OCA2: variants seen among roughly 807,000 people sequenced by gnomAD.
OCA2 encodes the protein OCA2 melanosomal transmembrane protein.
OCA2 carries 77 observed loss-of-function variants against 100.2 expected under a neutral mutation model. The observed-to-expected ratio is 0.77, with a 90% CI of 0.64 to 0.93. The LOEUF (loss-of-function observed/expected upper bound fraction) is 0.93. OCA2 is among the 40% of genes least tolerant of loss of function. OCA2 has a pLI of 0.00. For missense variants in OCA2, 1,062 were observed against 1,089.1 expected (o/e 0.98, Z 0.35); for synonymous variants, 432 against 439.2 (o/e 0.98, Z 0.21).
chr15:28,075,167 T>C (rs1369107406), intron 2 of OCA2, among the ~76,000 whole-genome samples: 2 of 152,040 alleles, frequency 1.3e-5, no homozygotes, highest in African/African-American at 4.8e-5. Flanking sequence ...AATTGATAAA[T>C]TGGACAACAT....
chr15:27,917,985 T>C (rs1361524730), intron 19 of OCA2, among the ~76,000 whole-genome samples: 1 of 152,168 alleles, frequency 6.6e-6, no homozygotes, highest in Non-Finnish European at 1.5e-5. Context: ...TATTTTAGAC[T>C]ACTTAAGTTG....
intron 9 of OCA2, among the ~76,000 whole-genome samples, chr15:28,010,992 A>G (rs1222644912): frequency 5.9e-5 from 9 of 152,236 alleles, no homozygotes; most frequent in Non-Finnish European, 1.3e-4. Flanking sequence ...CACATTACCA[A>G]TGGGACAGAA....
the OCA2 span, among the ~76,000 whole-genome samples, chr15:27,739,386 C>T: frequency 5.1e-4 from 77 of 151,102 alleles, no homozygotes; most frequent in African/African-American, 1.6e-3. Flanking sequence ...GCAGTGATGA[C>T]ATGACTGCCT....
At chr15:27,923,871 C>T (rs2038953111) in intron 19 of OCA2, among the ~76,000 whole-genome samples, 1 of 152,122 alleles carries the variant, frequency 6.6e-6, no homozygotes, top group Non-Finnish European at 1.5e-5. Context: ...TTAATAGATC[C>T]CATTTGTCAA....
At chr15:27,986,047 A>C (rs2041342821) in intron 12 of OCA2, among the ~76,000 whole-genome samples, 2 of 152,342 alleles carry the variant, frequency 1.3e-5, no homozygotes, top group African/African-American at 4.8e-5. Context: ...ATATTCAAGC[A>C]CAGCACTAGA....
intron 9 of OCA2, among the ~76,000 whole-genome samples, chr15:27,997,115 G>GAAAA (rs1566775947): frequency 9.7e-5 from 7 of 72,272 alleles, no homozygotes; most frequent in Non-Finnish European, 1.3e-4. Context: ...AGAAAAGAAA[G>GAAAA]GAAGGAAGGA....
chr15:27,862,582 C>T (rs1224610446), intron 21 of OCA2, among the ~76,000 whole-genome samples: 1 of 151,218 alleles, frequency 6.6e-6, no homozygotes, highest in East Asian at 1.9e-4. Context: ...TCAAGCCATT[C>T]CCCTGCCTCA....
intron 2 of OCA2, among the ~76,000 whole-genome samples, chr15:28,070,243 C>T (rs1190934395): frequency 6.3e-4 from 87 of 137,688 alleles, no homozygotes; most frequent in Non-Finnish European, 1.1e-3. Context: ...CCTCTCCGCC[C>T]GGCAGCCACC....
Position 27,903,727 on chromosome 15 carries a change from T to G in OCA2, c.2079+22400A>C, listed in dbSNP as rs146444290. 1.5e-3 allele frequency among the ~76,000 whole-genome samples: 235 copies of G among 152,324 alleles called. 1 individual carries two copies. The highest frequency in any genetic ancestry group is 5.3e-3 in the African/African-American group (219 of 41,584). On this transcript the variant is annotated intron_variant, in intron 19 of 23. Transcript: ENST00000354638. ...CCTGGGAACCCCAGGTCCTGGTTTT[T>G]AAACTCTGGACAAACTGCACTCGCA...
chr15:28,034,811 A>AC (rs762053720), intron 2 of OCA2, among the ~76,000 whole-genome samples: 3,023 of 152,330 alleles, frequency 0.02, 56 homozygotes, highest in African/African-American at 0.049. Flanking sequence ...TTAATAATGA[A>AC]TGGGTTAAAA....
intron 23 of OCA2, among the ~76,000 whole-genome samples, chr15:27,839,060 T>C (rs2151351999): frequency 6.6e-6 from 1 of 152,170 alleles, no homozygotes; most frequent in African/African-American, 2.4e-5. Flanking sequence ...AGTAAGTGCG[T>C]GGAGAAAGAA....
intron 18 of OCA2, among the ~76,000 whole-genome samples, chr15:27,933,178 A>G (rs1341110462): frequency 6.6e-6 from 1 of 152,220 alleles, no homozygotes. Flanking sequence ...ACTAATTCAA[A>G]ATCGATTAGA....
chr15:27,721,870 G>A, the OCA2 span, among the ~76,000 whole-genome samples: 1 of 152,020 alleles, frequency 6.6e-6, no homozygotes, highest in Non-Finnish European at 1.5e-5. Context: ...TATGGTGGGG[G>A]AAAAAGTGAC....
rs143677508 is a variant in OCA2, at chr15:28,008,292, G to A, written c.1044+6484C>T. Among the ~76,000 whole-genome samples the A allele has an allele frequency of 1.4e-3, 207 of 152,292 alleles. No individual in the cohort carries two copies. The East Asian group carries it at 0.032, about 24-fold the overall frequency. On this transcript the variant is annotated intron_variant, in intron 9 of 23. Coordinates refer to ENST00000354638, the MANE Select transcript of OCA2 (RefSeq NM_000275.3). ...TAACATTCTTAAATATCTGCTGGCC[G>A]TAATAAAGAAATCAATGTACTTTAT... is the stretch of plus-strand genomic sequence containing the variant.
chr15:27,843,260 G>A lies in OCA2; in HGVS notation c.2432+1699C>T, dbSNP rs555804615. On this transcript the variant is annotated intron_variant, in intron 23 of 23. Coordinates refer to ENST00000354638, the MANE Select transcript of OCA2 (RefSeq NM_000275.3). Reference sequence around the variant, plus strand: ...CCAGGGCTGCAGAAGTTAGGAGCCCGGCCCAAATGAAGGAGGCAGAGCTGG... The same window carrying A: ...CCAGGGCTGCAGAAGTTAGGAGCCCAGCCCAAATGAAGGAGGCAGAGCTGG... 1.1e-4 allele frequency among the ~76,000 whole-genome samples: 16 copies of A among 152,226 alleles called. No homozygotes were observed. In the East Asian group the frequency reaches 1.4e-3, roughly 13 times the overall value.
chr15:28,029,142 C>T (rs2042840827), intron 3 of OCA2, among the ~76,000 whole-genome samples: 1 of 152,172 alleles, frequency 6.6e-6, no homozygotes, highest in Non-Finnish European at 1.5e-5. Context: ...ATCTGTGACA[C>T]ACTAGAATGG....
chr15:27,777,479 A>G (rs2032302144), intron 23 of OCA2, among the ~76,000 whole-genome samples: 2 of 152,204 alleles, frequency 1.3e-5, no homozygotes, highest in African/African-American at 4.8e-5. Context: ...ATTAGTGACT[A>G]TATGCTAAAG....
rs537753295 is a variant in OCA2, at chr15:28,042,786, T to C, written c.228-10623A>G. Among the ~76,000 whole-genome samples the C allele has an allele frequency of 1.2e-4, 18 of 152,242 alleles. No individual in the cohort carries two copies. In the South Asian group the frequency reaches 3.1e-3, roughly 26 times the overall value. On this transcript the variant is annotated intron_variant, in intron 2 of 23. Transcript: ENST00000354638. ...CCAAGATGCCCTGTATATTATATAT[T>C]AATAGTAGCAGAAAAAGGGATTAAA...
At chr15:28,079,960 C>T (rs2044566504) in intron 2 of OCA2, among the ~76,000 whole-genome samples, 1 of 152,224 alleles carries the variant, frequency 6.6e-6, no homozygotes, top group Non-Finnish European at 1.5e-5. Context: ...CAGTCTGCCC[C>T]TGGTACACCA....
Sources: gnomAD v4.1 joint callset for allele counts (sites outside exome capture counted in the v4.1 genomes callset) on GRCh38, gnomAD v4.1.1 for gene constraint, MANE v1.5 for transcripts, NCBI Gene and HGNC (gene_info 2026-07-23, HGNC 2026-07-21) for gene names.